FAM186A: variants seen among roughly 807,000 people sequenced by gnomAD.
FAM186A encodes the protein protein FAM186A.
In FAM186A, 163 loss-of-function variants were observed where a neutral mutation model predicts 216.8. The observed-to-expected ratio is 0.75, with a 90% CI of 0.66 to 0.86. FAM186A has a LOEUF of 0.86. Ranked by LOEUF, FAM186A falls within the 40% of genes least tolerant of loss-of-function variation. FAM186A has a pLI of 0.00. For missense variants in FAM186A, 2,184 were observed against 2,746.2 expected, an observed-to-expected ratio of 0.80 and a Z score of 4.58; for synonymous variants, 805 against 1,025.3, an observed-to-expected ratio of 0.79 and a Z score of 4.10.
intron 1 of FAM186A, among the ~76,000 whole-genome samples, chr12:50,382,929 T>C (rs1943266425): frequency 6.6e-6 from 1 of 152,024 alleles, no homozygotes; most frequent in Non-Finnish European, 1.5e-5. Context: ...GAGTTATTTT[T>C]TTCTTTTATA....
intron 2 of FAM186A, 42 bp from the exon 3 acceptor site, chr12:50,360,968 T>C: frequency 1.4e-6 from 2 of 1,430,968 alleles, no homozygotes; most frequent in South Asian, 2.7e-5. Context: ...TGCAGAAAAA[T>C]AAATAACTAT....
At chr12:50,382,591 G>A (rs568206395) in intron 1 of FAM186A, among the ~76,000 whole-genome samples, 38 of 151,570 alleles carry the variant, frequency 2.5e-4, no homozygotes, top group Non-Finnish European at 2.2e-4. Flanking sequence ...TCCCAGCTAC[G>A]CAGGAGGCTG....
In FAM186A at chr12:50,333,997, C is replaced by A. The variant is rs1388687590; in HGVS notation, c.6610G>T (p.Val2204Leu). The change falls in exon 5 of 8, where the codon GTG (valine) becomes TTG (leucine). Residue 2204 changes from valine to leucine, a missense_variant. Physicochemically the swap from Val to Leu is conservative, Grantham distance 32. Transcript: ENST00000327337. ...TGCTTCTCAGTCCAGACCTGCATCACCTTTTTCCCGTAGTCATCAAGTCTG... is the reference window on the plus strand; with the variant it reads ...TGCTTCTCAGTCCAGACCTGCATCAACTTTTTCCCGTAGTCATCAAGTCTG... ...LSRLDDYGKK[V>L]MQVWTEKQKS... 1 of 1,551,614 alleles carries A rather than the reference C, an allele frequency of 6.4e-7. No homozygotes were observed. Among genetic ancestry groups the A allele is most frequent in the Non-Finnish European group, 8.7e-7 (1 of 1,147,006 alleles).
chr12:50,348,038 A>ATTTTTTTTT (rs71083540), intron 4 of FAM186A, among the ~76,000 whole-genome samples: 3 of 81,368 alleles, frequency 3.7e-5, no homozygotes, highest in Non-Finnish European at 4.4e-5. Flanking sequence ...ATGCCTGGTA[A>ATTTTTTTTT]TTTTTTTTTT....
intron 3 of FAM186A, 126 bp from the exon 4 acceptor site, chr12:50,356,374 A>G (rs916367099): frequency 7.0e-6 from 5 of 709,994 alleles, no homozygotes; most frequent in Non-Finnish European, 8.5e-6. Flanking sequence ...ATAAAGATTA[A>G]TCTGAAAACT....
chr12:50,333,526 CA>C (rs1052883852), intron 5 of FAM186A, among the ~76,000 whole-genome samples: 1 of 149,520 alleles, frequency 6.7e-6, no homozygotes, highest in African/African-American at 2.5e-5. Flanking sequence ...AAGACTGTCT[CA>C]AAAAAACGAA....
rs569678068 is a variant in FAM186A, at chr12:50,332,111, A to G, written c.6697-290T>C. 4.6e-5 allele frequency among the ~76,000 whole-genome samples: 7 copies of G among 152,322 alleles called. No individual in the cohort carries two copies. In the South Asian group the frequency reaches 1.4e-3, roughly 32 times the overall value. ...GCACTTCTTTCTCCTCATTTCTAAA[A>G]CAGGGATAATAACACAGGGTTGTGA... On this transcript the variant is annotated intron_variant, in intron 5 of 7. Coordinates refer to ENST00000327337, the MANE Select transcript of FAM186A (RefSeq NM_001145475.3).
At chr12:50,382,291 G>A (rs1223829876) in intron 1 of FAM186A, among the ~76,000 whole-genome samples, 2 of 149,616 alleles carry the variant, frequency 1.3e-5, no homozygotes, top group Admixed American at 6.7e-5. Flanking sequence ...CACATGCTTA[G>A]AGATACGAGT....
At chr12:50,376,634 A>G (rs1209875766) in intron 1 of FAM186A, among the ~76,000 whole-genome samples, 1 of 152,088 alleles carries the variant, frequency 6.6e-6, no homozygotes, top group Non-Finnish European at 1.5e-5. Flanking sequence ...GGCCTGGTAA[A>G]AGTACCATCT....
chr12:50,334,181 T>A (rs1344884359), intron 4 of FAM186A, 78 bp from the exon 5 acceptor site: 1 of 1,290,286 alleles, frequency 7.8e-7, no homozygotes, highest in Non-Finnish European at 1.0e-6. Context: ...GTTTCTTTTT[T>A]TTTTTTGAGA....
chr12:50,327,588 C>T (rs933446551), intron 7 of FAM186A, among the ~76,000 whole-genome samples, 184 bp from the exon 8 acceptor site: 1 of 146,872 alleles, frequency 6.8e-6, no homozygotes. Flanking sequence ...GTCACACAGG[C>T]TGTAGTACAG....
Position 50,355,517 on chromosome 12 carries a change from C to A in FAM186A, c.1315G>T (p.Val439Leu). The A allele has an allele frequency of 6.4e-7, 1 of 1,551,326 alleles. No individual in the cohort carries two copies. Among genetic ancestry groups the A allele is most frequent in the Non-Finnish European group, 8.7e-7 (1 of 1,146,926 alleles). ...DISEDSTKDN[V>L]SLKKGDFYQE... is the part of the protein sequence containing the mutation. ...TAGAAATCACCTTTCTTCAATGATA[C>A]GTTATCTTTAGTGCTGTCTTCGGAA... The change falls in exon 4 of 8, where the codon GTA (valine) becomes TTA (leucine). Residue 439 changes from valine (V) to leucine (L), a missense_variant. This residue lies in a region of FAM186A where 1,132 missense variants were observed against 1,263.4 expected (regional missense o/e 0.90). Transcript: ENST00000327337.
chr12:50,388,442 A>AC (rs759618643), intron 1 of FAM186A, among the ~76,000 whole-genome samples: 8 of 151,290 alleles, frequency 5.3e-5, no homozygotes, highest in African/African-American at 9.7e-5. Context: ...ACACAGTGAA[A>AC]CCCCCCTCTC....
chr12:50,347,166 G>C (rs1352555227), intron 4 of FAM186A, among the ~76,000 whole-genome samples: 1 of 152,170 alleles, frequency 6.6e-6, no homozygotes, highest in East Asian at 1.9e-4. Flanking sequence ...GGCTTGGCAG[G>C]GAGTGAACTT....
chr12:50,384,318 G>A lies in FAM186A; in HGVS notation c.192+11975C>T, dbSNP rs1024875782. Reference sequence around the variant, plus strand: ...CTGGGTGTGGTAGTCCTAGATGGTCGGCAAGCTGAGGCTGGAGGATCCCTT... The same window carrying A: ...CTGGGTGTGGTAGTCCTAGATGGTCAGCAAGCTGAGGCTGGAGGATCCCTT... On this transcript the variant is annotated intron_variant, in intron 1 of 7. Transcript: ENST00000327337. Among the ~76,000 whole-genome samples, 12 of 151,882 alleles carry A rather than the reference G, an allele frequency of 7.9e-5. No individual in the cohort carries two copies. In the South Asian group the frequency reaches 1.2e-3, roughly 16 times the overall value.
intron 1 of FAM186A, chr12:50,366,067 C>A: frequency 1.4e-6 from 1 of 735,320 alleles, no homozygotes; most frequent in Admixed American, 1.9e-5. Context: ...AAGGAAGAAA[C>A]AATTGAGAAG....
chr12:50,387,770 A>G (rs1394250320), intron 1 of FAM186A, among the ~76,000 whole-genome samples: 1 of 152,158 alleles, frequency 6.6e-6, no homozygotes, highest in Non-Finnish European at 1.5e-5. Context: ...GAACATGTCT[A>G]GTCCCTAGTT....
rs189016000 is a variant in FAM186A at position 50,393,527 on chromosome 12, G to T, written c.192+2766C>A. The stretch of plus-strand genomic sequence containing the variant: ...ATTGCACTCCAGCCTGGGTGTCAGA[G>T]CGAGACTCCATCTCAAAAAAAAAAA... On this transcript the variant is annotated intron_variant, in intron 1 of 7. Transcript: ENST00000327337. Among the ~76,000 whole-genome samples the T allele has an allele frequency of 2.1e-4, 31 of 151,082 alleles. 1 individual carries two copies. The East Asian group carries it at 5.2e-3, about 25-fold the overall frequency.
intron 1 of FAM186A, among the ~76,000 whole-genome samples, chr12:50,376,820 A>G (rs1943202845): frequency 6.6e-6 from 1 of 151,536 alleles, no homozygotes. Flanking sequence ...AGCTCACTGC[A>G]GCCTAGGACT....
Sources: allele counts gnomAD v4.1 joint callset (sites outside exome capture counted in the v4.1 genomes callset), GRCh38; gene constraint gnomAD v4.1.1; regional missense constraint gnomAD v4.1.1; transcripts MANE v1.5; gene names NCBI Gene and HGNC (gene_info 2026-07-23, HGNC 2026-07-21).